The following HHAT variants were observed in gnomAD, a reference collection of about 807,000 sequenced individuals.
HHAT encodes the protein protein-cysteine N-palmitoyltransferase HHAT.
Under a neutral mutation model 70.8 loss-of-function variants are expected in HHAT, and 47 were observed. That is an observed-to-expected ratio of 0.66 (90% CI 0.53 to 0.85). The LOEUF is 0.85. Among genes scored for constraint, HHAT ranks in the 40% least tolerant of loss-of-function variants. HHAT has a pLI of 0.00. For missense variants in HHAT, 609 were observed against 604.8 expected (o/e 1.01, Z -0.07); for synonymous variants, 228 against 247.6 (o/e 0.92, Z 0.74).
intron 2 of HHAT, among the ~76,000 whole-genome samples, chr1:210,360,267 A>G (rs2088127420): frequency 6.6e-6 from 1 of 151,684 alleles, no homozygotes; most frequent in Non-Finnish European, 1.5e-5. Flanking sequence ...GGTGATTTAT[A>G]TGAATTCTCC....
chr1:210,572,528 G>A (rs1490532141), intron 9 of HHAT, among the ~76,000 whole-genome samples: 1 of 152,096 alleles, frequency 6.6e-6, no homozygotes, highest in Non-Finnish European at 1.5e-5. Flanking sequence ...GAAAGCCCAG[G>A]ATACAATAGA....
At chr1:210,487,446 TA>T (rs1262598936) in intron 8 of HHAT, among the ~76,000 whole-genome samples, 1 of 152,178 alleles carries the variant, frequency 6.6e-6, no homozygotes, top group African/African-American at 2.4e-5. Context: ...AGACTAGGGT[TA>T]TTAGTATTCT....
At chr1:210,522,669 C>G (rs112988032) in intron 9 of HHAT, among the ~76,000 whole-genome samples, 49 of 152,172 alleles carry the variant, frequency 3.2e-4, no homozygotes, top group African/African-American at 1.0e-3. Flanking sequence ...GGCTTCTTAT[C>G]TCACAGAGCT....
intron 7 of HHAT, among the ~76,000 whole-genome samples, chr1:210,449,725 A>G (rs746163243): frequency 3.9e-5 from 6 of 152,330 alleles, no homozygotes; most frequent in African/African-American, 9.6e-5. Context: ...GACGGGCTAG[A>G]TGATTGTGAG....
At chr1:210,625,094 C>A (rs1161433872) in intron 11 of HHAT, among the ~76,000 whole-genome samples, 1 of 152,238 alleles carries the variant, frequency 6.6e-6, no homozygotes, top group South Asian at 2.1e-4. Context: ...GAGTCCTGTT[C>A]TACTTTAATC....
In HHAT at chr1:210,416,185, C is replaced by T. The variant is rs373486805; in HGVS notation, c.685-1969C>T. Among the ~76,000 whole-genome samples, 42 of 152,162 alleles carry T rather than the reference C, an allele frequency of 2.8e-4. No individual in the cohort carries two copies. In the East Asian group the frequency reaches 5.4e-3, roughly 20 times the overall value. ...CCCTGCCGTGTAGCTCTCTCTTTCC[C>T]GCTGGGGGCAGTGCCTGCCACTCTC... On this transcript the variant is annotated intron_variant, in intron 6 of 11. Transcript: ENST00000261458.
At chr1:210,511,607 C>T (rs543397351) in intron 8 of HHAT, among the ~76,000 whole-genome samples, 1 of 151,920 alleles carries the variant, frequency 6.6e-6, no homozygotes, top group Non-Finnish European at 1.5e-5. Flanking sequence ...AGGGTGAATT[C>T]CTGTGTCCAT....
intron 9 of HHAT, among the ~76,000 whole-genome samples, chr1:210,539,500 C>G (rs2095407431): frequency 6.6e-6 from 1 of 152,186 alleles, no homozygotes; most frequent in Non-Finnish European, 1.5e-5. Flanking sequence ...GTGGCCATCC[C>G]TCAGAAGTAA....
Position 210,646,386 on chromosome 1 carries a change from C to T in HHAT, c.1390+22716C>T, listed in dbSNP as rs1008455066. Among the ~76,000 whole-genome samples, 24 of 152,314 alleles carry T rather than the reference C, an allele frequency of 1.6e-4. 1 individual carries two copies. Among genetic ancestry groups the T allele is most frequent in the Admixed American group, 3.9e-4 (6 of 15,302 alleles). On this transcript the variant is annotated intron_variant, in intron 11 of 11. Transcript: ENST00000261458. ...AGGATAAGTTCCTGTTTTCTAATCT[C>T]CAAAGGAATGAATGAATGTTCTCAC...
chr1:210,589,072 G>A (rs956596764), intron 10 of HHAT: 19 of 152,130 alleles, frequency 1.2e-4, no homozygotes, highest in Admixed American at 1.2e-3. Context: ...CCCGAAAAAA[G>A]TAGCTAAAAA....
At chr1:210,400,788 G>A in intron 5 of HHAT, 126 bp downstream of exon 5, 1 of 813,890 alleles carries the variant, frequency 1.2e-6, no homozygotes, top group East Asian at 2.7e-5. Context: ...TCCCCATAGT[G>A]GCCGTACAGG....
chr1:210,398,672 A>G (rs573449385), intron 4 of HHAT, among the ~76,000 whole-genome samples: 97 of 152,340 alleles, frequency 6.4e-4, no homozygotes, highest in African/African-American at 2.1e-3. Context: ...AACTGTGTCT[A>G]TGTATGTAGC....
rs550194686 is a variant in HHAT at position 210,574,720 on chromosome 1, C to T, written c.1044-13178C>T. Among the ~76,000 whole-genome samples, 209 of 152,326 alleles carry T rather than the reference C, an allele frequency of 1.4e-3. 1 individual carries two copies. Among genetic ancestry groups the T allele is most frequent in the Middle Eastern group, 6.8e-3 (2 of 294 alleles). ...CCCTGCCTCTGAGGCCCTCTCCATG[C>T]TTTTGCTGCCACAAAAGCATTACAC... On this transcript the variant is annotated intron_variant, in intron 9 of 11. Coordinates refer to ENST00000261458, the MANE Select transcript of HHAT (RefSeq NM_018194.6).
At chr1:210,407,818 TACGTCTTG>T (rs1468960228) in intron 6 of HHAT, among the ~76,000 whole-genome samples, 1 of 152,152 alleles carries the variant, frequency 6.6e-6, no homozygotes, top group Non-Finnish European at 1.5e-5. Flanking sequence ...CTGGGGCCAC[TACGTCTTG>T]AAGAGGTTGA....
chr1:210,373,105 C>T (rs1388885530), intron 3 of HHAT, among the ~76,000 whole-genome samples: 1 of 152,066 alleles, frequency 6.6e-6, no homozygotes, highest in Non-Finnish European at 1.5e-5. Flanking sequence ...TTTGTGGACT[C>T]CTCATTTGGA....
intron 10 of HHAT, among the ~76,000 whole-genome samples, chr1:210,607,453 G>A (rs190903256): frequency 1.2e-3 from 183 of 152,190 alleles, no homozygotes; most frequent in African/African-American, 4.3e-3. Context: ...AAAATATTAA[G>A]GTTACTTAAA....
intron 2 of HHAT, among the ~76,000 whole-genome samples, chr1:210,349,760 C>G (rs1222136755): frequency 6.6e-6 from 1 of 150,980 alleles, no homozygotes; most frequent in Non-Finnish European, 1.5e-5. Flanking sequence ...AAGCAATTGT[C>G]CTACCTCAGC....
intron 11 of HHAT, among the ~76,000 whole-genome samples, chr1:210,629,301 T>C (rs76683063): frequency 6.8e-4 from 104 of 152,360 alleles, no homozygotes; most frequent in East Asian, 5.0e-3. Flanking sequence ...ATGTGAGGAA[T>C]AGTGAGTGAA....
chr1:210,369,225 A>G (rs1188152812), intron 3 of HHAT, among the ~76,000 whole-genome samples: 1 of 152,228 alleles, frequency 6.6e-6, no homozygotes, highest in African/African-American at 2.4e-5. Flanking sequence ...GAGTGTTACA[A>G]GTAATCAATT....
Sources: allele counts gnomAD v4.1 joint callset (sites outside exome capture counted in the v4.1 genomes callset), GRCh38; gene constraint gnomAD v4.1.1; transcripts MANE v1.5; gene names NCBI Gene and HGNC (gene_info 2026-07-23, HGNC 2026-07-21).